CADPS2: variants seen among roughly 807,000 people sequenced by gnomAD.
CADPS2 encodes calcium-dependent secretion activator 2.
Under a neutral mutation model 172.5 loss-of-function variants are expected in CADPS2, and 93 were observed. The observed-to-expected ratio is 0.54, with a 90% CI of 0.46 to 0.64. The LOEUF (loss-of-function observed/expected upper bound fraction) is 0.64. Ranked by LOEUF, CADPS2 falls within the 30% of genes least tolerant of loss-of-function variation. CADPS2 has a pLI of 0.00. For synonymous variants in CADPS2, 546 were observed against 555.2 expected, an observed-to-expected ratio of 0.98 and a Z score of 0.23; for missense variants, 1,420 against 1,565.9, an observed-to-expected ratio of 0.91 and a Z score of 1.57.
rs1334941650 is a variant in CADPS2, at chr7:122,441,590, G to A, written c.2289-15C>T. 12 of 1,509,444 alleles carry A rather than the reference G, an allele frequency of 7.9e-6. No individual in the cohort carries two copies. The highest frequency in any genetic ancestry group is 9.8e-6 in the Non-Finnish European group (11 of 1,125,390). 93.5% of individuals were successfully genotyped at this position (1,509,444 alleles called of 1,614,324 possible). A position where few individuals can be genotyped will look rare whatever the true frequency, so the allele number is the denominator to read the frequency against. ...GAAAACAGTATCTTTAAAAACAAAA[G>A]AAAGAACAAAAGAGTCAAACATTTA... On this transcript the variant is annotated splice_polypyrimidine_tract_variant and intron_variant, in intron 15 of 29. Coordinates refer to ENST00000449022, the MANE Select transcript of CADPS2 (RefSeq NM_017954.11).
At chr7:122,674,364 C>T (rs1476864986) in intron 2 of CADPS2, among the ~76,000 whole-genome samples, 1 of 152,204 alleles carries the variant, frequency 6.6e-6, no homozygotes, top group Non-Finnish European at 1.5e-5. Flanking sequence ...GCAAGGGCTG[C>T]TAGCACTTTG....
At chr7:122,569,194 A>G (rs2066864550) in intron 7 of CADPS2, among the ~76,000 whole-genome samples, 1 of 152,192 alleles carries the variant, frequency 6.6e-6, no homozygotes, top group African/African-American at 2.4e-5. Context: ...CTCAGGATAC[A>G]AAATCAATGT....
chr7:122,571,303 T>C (rs2067223147), intron 7 of CADPS2, among the ~76,000 whole-genome samples: 1 of 152,094 alleles, frequency 6.6e-6, no homozygotes, highest in Non-Finnish European at 1.5e-5. Context: ...AATATATACC[T>C]ATTAGAAGGC....
chr7:122,645,540 ACT>A (rs1563951021), intron 3 of CADPS2, among the ~76,000 whole-genome samples: 29 of 131,042 alleles, frequency 2.2e-4, no homozygotes, highest in African/African-American at 5.3e-4. Context: ...ATATATATAT[ACT>A]TATATATATA....
chr7:122,607,947 G>A (rs896183941), intron 6 of CADPS2, among the ~76,000 whole-genome samples: 3 of 152,084 alleles, frequency 2.0e-5, no homozygotes, highest in South Asian at 2.1e-4. Flanking sequence ...GGCTGACAGC[G>A]GTGGCTCACA....
chr7:122,636,000 G>A (rs948993864), intron 3 of CADPS2, among the ~76,000 whole-genome samples: 2 of 152,142 alleles, frequency 1.3e-5, no homozygotes, highest in Non-Finnish European at 2.9e-5. Flanking sequence ...CATTACACGT[G>A]AGATGCCTCT....
At chr7:122,364,317 G>A (rs2040566453) in intron 25 of CADPS2, among the ~76,000 whole-genome samples, 2 of 151,410 alleles carry the variant, frequency 1.3e-5, no homozygotes, top group Non-Finnish European at 2.9e-5. Context: ...GCTGAGGTGG[G>A]AGGATTGCTT....
intron 2 of CADPS2, among the ~76,000 whole-genome samples, chr7:122,674,237 G>C (rs991667632): frequency 6.6e-6 from 1 of 152,212 alleles, no homozygotes; most frequent in African/African-American, 2.4e-5. Flanking sequence ...CAAGCAGAGG[G>C]AGCCAGCTCC....
chr7:122,499,000 C>G, intron 9 of CADPS2, among the ~76,000 whole-genome samples: 1 of 152,180 alleles, frequency 6.6e-6, no homozygotes, highest in East Asian at 1.9e-4. Flanking sequence ...GCCAGCTGCT[C>G]CATGGTCATC....
chr7:122,549,529 G>A (rs747866450), intron 8 of CADPS2, among the ~76,000 whole-genome samples: 6 of 152,016 alleles, frequency 3.9e-5, no homozygotes, highest in Non-Finnish European at 7.4e-5. Flanking sequence ...ACTGAAGTGG[G>A]AGGACTGCTT....
intron 11 of CADPS2, among the ~76,000 whole-genome samples, chr7:122,486,266 T>C (rs551602071): frequency 4.3e-4 from 66 of 152,300 alleles, no homozygotes; most frequent in Middle Eastern, 3.4e-3. Flanking sequence ...GAAAAGTAAA[T>C]TGAAAACCTG....
At chr7:122,497,277 C>A (rs1008933612) in intron 9 of CADPS2, among the ~76,000 whole-genome samples, 1 of 152,030 alleles carries the variant, frequency 6.6e-6, no homozygotes, top group Non-Finnish European at 1.5e-5. Context: ...AGTCTTCTAA[C>A]AAGATTTATT....
chr7:122,557,243 C>T (rs556085258), intron 7 of CADPS2, among the ~76,000 whole-genome samples: 12 of 152,262 alleles, frequency 7.9e-5, no homozygotes, highest in African/African-American at 9.6e-5. Context: ...TATCCAATTT[C>T]GCCATGAATG....
chr7:122,417,344 T>A (rs1194532872), intron 17 of CADPS2, among the ~76,000 whole-genome samples: 6 of 152,164 alleles, frequency 3.9e-5, no homozygotes, highest in Non-Finnish European at 7.3e-5. Context: ...CCTACTATAT[T>A]CCCCTACAGA....
At position 122,692,901 on chromosome 7, in the gene CADPS2, ACT is replaced by A. The variant is rs1339043127; in HGVS notation, c.454-29334_454-29333del. The stretch of plus-strand genomic sequence containing the variant: ...CATTGCCTTCAGGGTCAGCAGCTTA[ACT>A]CTCTCTCTCTGGGCACAAGTGTGCC... On this transcript the variant is annotated intron_variant, in intron 2 of 29. Transcript: ENST00000449022. 2.6e-5 allele frequency among the ~76,000 whole-genome samples: 4 copies of A among 152,212 alleles called. No homozygotes were observed. In the East Asian group the frequency reaches 7.7e-4, roughly 29 times the overall value.
At chr7:122,501,928 C>G (rs1008418610) in intron 9 of CADPS2, among the ~76,000 whole-genome samples, 1 of 131,172 alleles carries the variant, frequency 7.6e-6, no homozygotes, top group African/African-American at 2.8e-5. Flanking sequence ...GAGTCTAGAA[C>G]ACAACTCTCT....
chr7:122,379,503 C>T, intron 24 of CADPS2, 61 bp from the exon 25 acceptor site: 1 of 996,626 alleles, frequency 1.0e-6, no homozygotes, highest in Non-Finnish European at 1.6e-6. Flanking sequence ...TGTCATCAGT[C>T]ATAAATGCTC....
chr7:122,475,220 T>C (rs1467360439), intron 12 of CADPS2, among the ~76,000 whole-genome samples: 1 of 148,176 alleles, frequency 6.7e-6, no homozygotes, highest in Non-Finnish European at 1.5e-5. Flanking sequence ...ATTAATGGTA[T>C]GTTTTGTCAA....
intron 1 of CADPS2, among the ~76,000 whole-genome samples, chr7:122,750,167 G>A (rs567833656): frequency 3.9e-5 from 6 of 152,204 alleles, no homozygotes; most frequent in African/African-American, 4.8e-5. Context: ...CTACACTGCT[G>A]AGTCTCAACA....
Sources: allele counts gnomAD v4.1 joint callset (sites outside exome capture counted in the v4.1 genomes callset), GRCh38; gene constraint gnomAD v4.1.1; transcripts MANE v1.5; gene names NCBI Gene and HGNC (gene_info 2026-07-23, HGNC 2026-07-21).